SPTLC1: variants seen among roughly 807,000 people sequenced by gnomAD.
The protein encoded by SPTLC1 is serine palmitoyltransferase long chain base subunit 1, also known as serine palmitoyltransferase 1.
Under a neutral mutation model 68.9 loss-of-function variants are expected in SPTLC1, and 55 were observed. The observed-to-expected ratio is 0.80, with a 90% CI of 0.64 to 1.00. The LOEUF (loss-of-function observed/expected upper bound fraction) is 1.00, where lower values mean the gene tolerates loss of function less well. Among genes scored for constraint, SPTLC1 ranks in the 50% least tolerant of loss-of-function variants. The pLI, the probability that SPTLC1 is intolerant of heterozygous loss-of-function variation, is 0.00. For missense variants in SPTLC1, 449 were observed against 573.1 expected, an observed-to-expected ratio of 0.78 and a Z score of 2.21; for synonymous variants, 197 against 201.6, an observed-to-expected ratio of 0.98 and a Z score of 0.19.
intron 3 of SPTLC1, among the ~76,000 whole-genome samples, chr9:92,091,858 T>A (rs1305386042): frequency 1.3e-5 from 2 of 152,152 alleles, no homozygotes; most frequent in Non-Finnish European, 2.9e-5. Flanking sequence ...AATCACAGAA[T>A]AACTAAATGA....
chr9:92,069,673 A>T (rs758231395), intron 5 of SPTLC1, among the ~76,000 whole-genome samples: 16 of 152,110 alleles, frequency 1.1e-4, no homozygotes, highest in Non-Finnish European at 1.3e-4. Flanking sequence ...CATCCTCATT[A>T]CTGTTCTCTG....
intron 5 of SPTLC1, among the ~76,000 whole-genome samples, chr9:92,070,913 G>GAGCC (rs1430900270): frequency 2.0e-5 from 3 of 152,132 alleles, no homozygotes; most frequent in African/African-American, 7.2e-5. Flanking sequence ...GAATTGTTAA[G>GAGCC]ACTATCTTCC....
intron 3 of SPTLC1, among the ~76,000 whole-genome samples, chr9:92,090,918 G>A (rs958756676): frequency 3.3e-5 from 5 of 152,184 alleles, no homozygotes; most frequent in African/African-American, 1.2e-4. Flanking sequence ...CACACCTCAA[G>A]GACAGAACAC....
intron 3 of SPTLC1, among the ~76,000 whole-genome samples, chr9:92,085,166 A>G (rs1322047896): frequency 1.3e-4 from 20 of 149,836 alleles, no homozygotes; most frequent in Non-Finnish European, 2.4e-4. Context: ...CGGTCTATCA[A>G]TTTTGTTGAT....
chr9:92,066,759 C>T (rs1013262961), intron 6 of SPTLC1, among the ~76,000 whole-genome samples: 2 of 152,162 alleles, frequency 1.3e-5, no homozygotes, highest in African/African-American at 4.8e-5. Context: ...TGGCTCACGC[C>T]TGTAATCCCA....
At chr9:92,047,374 G>T in intron 10 of SPTLC1, 106 bp from the exon 11 acceptor site, 1 of 933,692 alleles carries the variant, frequency 1.1e-6, no homozygotes, top group Non-Finnish European at 1.7e-6. Context: ...GTGTACATGT[G>T]GTGAGGGGGG....
chr9:92,031,750 GT>G lies in SPTLC1; in HGVS notation c.*714del, dbSNP rs1241566774. 1 of 152,918 alleles carries G rather than the reference GT, an allele frequency of 6.5e-6. No homozygotes were observed. Among genetic ancestry groups the G allele is most frequent in the Admixed American group, 6.5e-5 (1 of 15,296 alleles). 9.5% of individuals were successfully genotyped at this position (152,918 alleles called of 1,614,324 possible). The stretch of plus-strand genomic sequence containing the variant: ...GAACACATAAGAAATGTAAAGAAAG[GT>G]TAATTACATTAAAATAAAATAGCTT... On this transcript the variant is annotated 3_prime_UTR_variant, in exon 15 of 15. Transcript: ENST00000262554.
intron 6 of SPTLC1, among the ~76,000 whole-genome samples, chr9:92,063,842 A>T (rs1015984755): frequency 5.3e-5 from 8 of 152,204 alleles, no homozygotes; most frequent in African/African-American, 1.7e-4. Context: ...GAAAAAAAAG[A>T]TGAGGTGCAG....
At chr9:92,041,508 G>T (rs2118397528) in intron 12 of SPTLC1, among the ~76,000 whole-genome samples, 1 of 152,124 alleles carries the variant, frequency 6.6e-6, no homozygotes, top group Non-Finnish European at 1.5e-5. Context: ...CAAACCAAAG[G>T]CCCCAAGCCT....
chr9:92,081,611 G>C (rs779652997), intron 3 of SPTLC1, among the ~76,000 whole-genome samples: 1 of 152,134 alleles, frequency 6.6e-6, no homozygotes, highest in East Asian at 1.9e-4. Context: ...ATCTATATTC[G>C]AGCCATGAGC....
At chr9:92,033,688 T>C (rs1047923027) in intron 14 of SPTLC1, among the ~76,000 whole-genome samples, 3 of 152,166 alleles carry the variant, frequency 2.0e-5, no homozygotes, top group Non-Finnish European at 4.4e-5. Flanking sequence ...CCCAAGTAGC[T>C]GGGACCACAG....
rs202175687 is a variant in SPTLC1, at chr9:92,053,133, A to AC, written c.780+2271_780+2272insG. 3.3e-3 allele frequency among the ~76,000 whole-genome samples: 392 copies of AC among 118,730 alleles called. 2 individuals carry two copies. The highest frequency in any genetic ancestry group is 0.013 in the African/African-American group (369 of 28,422). 77.9% of individuals were successfully genotyped at this position (118,730 alleles called of 152,430 possible). A position where few individuals can be genotyped will look rare whatever the true frequency, so the allele number is the denominator to read the frequency against. The stretch of plus-strand genomic sequence containing the variant: ...CATGGCCAAACAAACAAACAAACAA[A>AC]AAAAAAAACAAGAAAAGAGGCTCAG... On this transcript the variant is annotated intron_variant, in intron 8 of 14. Transcript: ENST00000262554.
rs1456910283 is a variant in SPTLC1 at position 92,086,569 on chromosome 9, T to C, written c.261-5606A>G. 3.0e-4 allele frequency among the ~76,000 whole-genome samples: 46 copies of C among 152,312 alleles called. No homozygotes were observed. In the East Asian group the frequency reaches 8.1e-3, roughly 27 times the overall value. ...TTTCTTTAAGAATGTTGAATATTGGTCCCCACTCTCTTCTGGCTTGTAGAG... is the reference window on the plus strand; with the variant it reads ...TTTCTTTAAGAATGTTGAATATTGGCCCCCACTCTCTTCTGGCTTGTAGAG... On this transcript the variant is annotated intron_variant, in intron 3 of 14. Coordinates refer to ENST00000262554, the MANE Select transcript of SPTLC1 (RefSeq NM_006415.4).
At chr9:92,035,523 A>T (rs879076151) in intron 13 of SPTLC1, among the ~76,000 whole-genome samples, 2 of 152,232 alleles carry the variant, frequency 1.3e-5, no homozygotes, top group Admixed American at 1.3e-4. Flanking sequence ...GAGCAAGGTA[A>T]TAGGCTACAG....
At chr9:92,093,791 G>A (rs1180143395) in intron 3 of SPTLC1, among the ~76,000 whole-genome samples, 3 of 152,128 alleles carry the variant, frequency 2.0e-5, no homozygotes, top group Non-Finnish European at 2.9e-5. Flanking sequence ...TTACACAGAA[G>A]GATACAAGTT....
At chr9:92,073,694 C>T (rs1237312062) in intron 5 of SPTLC1, among the ~76,000 whole-genome samples, 1 of 152,148 alleles carries the variant, frequency 6.6e-6, no homozygotes, top group African/African-American at 2.4e-5. Context: ...AGAGTCTGGC[C>T]CTCAAACCCT....
intron 7 of SPTLC1, among the ~76,000 whole-genome samples, chr9:92,057,858 T>C (rs1196248492): frequency 1.3e-5 from 2 of 152,150 alleles, no homozygotes; most frequent in Non-Finnish European, 2.9e-5. Context: ...AATTATAAAG[T>C]AGAAATAAGT....
chr9:92,041,402 A>G (rs569558986), intron 12 of SPTLC1, among the ~76,000 whole-genome samples: 50 of 152,248 alleles, frequency 3.3e-4, no homozygotes, highest in Non-Finnish European at 6.2e-4. Context: ...CATAAAAATA[A>G]GAAAACACAC....
At chr9:92,101,012 CATAAAT>C (rs1311677546) in intron 3 of SPTLC1, among the ~76,000 whole-genome samples, 4 of 152,032 alleles carry the variant, frequency 2.6e-5, no homozygotes, top group African/African-American at 4.8e-5. Context: ...TCAACAGTCT[CATAAAT>C]ATAAACATAG....
Sources: gnomAD v4.1 joint callset for allele counts (sites outside exome capture counted in the v4.1 genomes callset) on GRCh38, gnomAD v4.1.1 for gene constraint, MANE v1.5 for transcripts, NCBI Gene and HGNC (gene_info 2026-07-23, HGNC 2026-07-21) for gene names.